ANKRD10: variants seen among roughly 807,000 people sequenced by gnomAD.
ANKRD10 encodes the protein ankyrin repeat domain 10, also known as ankyrin repeat domain-containing protein 10.
ANKRD10 carries 14 observed loss-of-function variants against 27.0 expected under a neutral mutation model. The observed-to-expected ratio is 0.52, with a 90% CI of 0.34 to 0.81. The LOEUF (loss-of-function observed/expected upper bound fraction) is 0.81, where lower values mean the gene tolerates loss of function less well. Among genes scored for constraint, ANKRD10 ranks in the 40% least tolerant of loss-of-function variants. ANKRD10 has a pLI of 0.01. For missense variants in ANKRD10, 493 were observed against 544.0 expected, an observed-to-expected ratio of 0.91 and a Z score of 0.93; for synonymous variants, 250 against 224.5, an observed-to-expected ratio of 1.11 and a Z score of -1.01.
At chr13:110,909,997 T>C (rs1041625295) in intron 2 of ANKRD10, among the ~76,000 whole-genome samples, 9 of 152,192 alleles carry the variant, frequency 5.9e-5, no homozygotes, top group Non-Finnish European at 1.3e-4. Flanking sequence ...GACAACCTAA[T>C]GGTTATTAGA....
intron 4 of ANKRD10, among the ~76,000 whole-genome samples, chr13:110,885,571 G>GAAA (rs985565914): frequency 2.0e-5 from 3 of 151,784 alleles, no homozygotes; most frequent in Non-Finnish European, 4.4e-5. Flanking sequence ...AAGAAAGAAA[G>GAAA]AAAAAGAAAA....
intron 3 of ANKRD10, among the ~76,000 whole-genome samples, chr13:110,895,535 C>T (rs868031691): frequency 2.0e-5 from 3 of 151,620 alleles, no homozygotes; most frequent in Non-Finnish European, 4.4e-5. Context: ...TGCAGTGAGC[C>T]GAGATCACAC....
chr13:110,890,364 G>A (rs1490614131), intron 4 of ANKRD10, among the ~76,000 whole-genome samples: 1 of 151,384 alleles, frequency 6.6e-6, no homozygotes, highest in Non-Finnish European at 1.5e-5. Context: ...TAAAAGGGGG[G>A]CAAAAAATCA....
chr13:110,914,820 A>G lies in ANKRD10; in HGVS notation c.115T>C (p.Cys39Arg), dbSNP rs755723805. ...TGGGGTGTCTGCTGCAGCAGCGAGC[A>G]GAGCGTGGCCAGGTCCCCGTCGCGG... ...ACRDGDLATL[C>R]SLLQQTPHAH... The change falls in exon 1 of 6, where the codon TGC becomes CGC. Residue 39 changes from cysteine to arginine, a missense_variant. Cys to Arg is a radical substitution (Grantham distance 180, BLOSUM62 -3). Transcript: ENST00000267339. The G allele has an allele frequency of 5.7e-6, 9 of 1,589,434 alleles. No homozygotes were observed. In the South Asian group the frequency reaches 9.1e-5, roughly 16 times the overall value.
chr13:110,901,446 C>A (rs2065377381), intron 3 of ANKRD10, among the ~76,000 whole-genome samples: 1 of 152,218 alleles, frequency 6.6e-6, no homozygotes, highest in African/African-American at 2.4e-5. Flanking sequence ...ATTTAGCATG[C>A]TCCTGCTATA....
chr13:110,890,040 AAG>A, intron 4 of ANKRD10, among the ~76,000 whole-genome samples: 1 of 152,300 alleles, frequency 6.6e-6, no homozygotes, highest in East Asian at 1.9e-4. Flanking sequence ...ATGAGGAAAA[AAG>A]AATTTATCAT....
intron 1 of ANKRD10, 66 bp downstream of exon 1, chr13:110,914,659 G>A: frequency 1.3e-6 from 2 of 1,503,526 alleles, no homozygotes; most frequent in Admixed American, 4.2e-5. Context: ...CCGCACCTCA[G>A]ACCCGCTTTC....
At chr13:110,910,534 C>T in intron 2 of ANKRD10, 84 bp downstream of exon 2, 1 of 1,515,580 alleles carries the variant, frequency 6.6e-7, no homozygotes, top group South Asian at 1.3e-5. Flanking sequence ...TAATTAAGGC[C>T]TCGATTTAAA....
intron 2 of ANKRD10, among the ~76,000 whole-genome samples, chr13:110,908,167 C>CA (rs1181725143): frequency 6.6e-6 from 1 of 152,122 alleles, no homozygotes; most frequent in African/African-American, 2.4e-5. Context: ...GAACTGGGAG[C>CA]AGTGCCAGAA....
intron 3 of ANKRD10, among the ~76,000 whole-genome samples, chr13:110,904,793 A>G (rs1029158894): frequency 6.6e-6 from 1 of 152,264 alleles, no homozygotes; most frequent in Non-Finnish European, 1.5e-5. Context: ...GCAATGTAAC[A>G]GTAAACAGAG....
intron 4 of ANKRD10, among the ~76,000 whole-genome samples, chr13:110,885,870 T>C (rs1190798554): frequency 5.3e-5 from 8 of 152,222 alleles, no homozygotes; most frequent in African/African-American, 1.9e-4. Context: ...AGGGGTTACC[T>C]GCAATTTCAC....
rs1016754756 is a variant in ANKRD10 at position 110,892,766 on chromosome 13, G to A, written c.691+262C>T. On this transcript the variant is annotated intron_variant, in intron 4 of 5. Transcript: ENST00000267339. ...CAACAAATTAAAAAATCTAATTCAT[G>A]GCAGGTAAACATGGGTGCTCAAAAA... 3.3e-5 allele frequency: 38 copies of A among 1,158,782 alleles called. No homozygotes were observed. The East Asian group carries it at 3.3e-4, about 10-fold the overall frequency. The allele number at this position is 1,158,782 out of a possible 1,614,324, so 71.8% of individuals were successfully genotyped here. A position where few individuals can be genotyped will look rare whatever the true frequency, so the allele number is the denominator to read the frequency against.
At chr13:110,882,262 T>A (rs2064834835) in intron 5 of ANKRD10, among the ~76,000 whole-genome samples, 1 of 152,196 alleles carries the variant, frequency 6.6e-6, no homozygotes, top group African/African-American at 2.4e-5. Flanking sequence ...AAATTTGAAG[T>A]TACTCAAGTG....
Position 110,915,065 on chromosome 13 carries a change from C to A in ANKRD10, c.-131G>T. The A allele has an allele frequency of 7.1e-7, 1 of 1,401,722 alleles. No individual in the cohort carries two copies. The highest frequency in any genetic ancestry group is 9.2e-7 in the Non-Finnish European group (1 of 1,082,828). The allele number at this position is 1,401,722 out of a possible 1,614,324, so 86.8% of individuals were successfully genotyped here. ...GCGTCCCACAGGCTGCCGAGCGGAG[C>A]GCGCACAGAGGGGGCGGGGCGGGGC... On this transcript the variant is annotated 5_prime_UTR_variant, in exon 1 of 6. Transcript: ENST00000267339.
At chr13:110,911,460 A>C (rs903472205) in intron 1 of ANKRD10, among the ~76,000 whole-genome samples, 16 of 138,894 alleles carry the variant, frequency 1.2e-4, no homozygotes, top group East Asian at 9.0e-4. Context: ...TCAAACACCA[A>C]CACCACCACC....
At chr13:110,892,174 G>A (rs1196101900) in intron 4 of ANKRD10, among the ~76,000 whole-genome samples, 1 of 149,122 alleles carries the variant, frequency 6.7e-6, no homozygotes, top group African/African-American at 2.5e-5. Context: ...GCTCATGCCT[G>A]TAATCCCAGC....
intron 4 of ANKRD10, chr13:110,892,737 G>A (rs1594574533): frequency 2.8e-6 from 3 of 1,080,150 alleles, no homozygotes; most frequent in African/African-American, 1.7e-5. Context: ...ATTTCAAACA[G>A]ATACAACAAA....
chr13:110,884,326 C>T (rs892806572), intron 4 of ANKRD10, among the ~76,000 whole-genome samples: 1 of 152,130 alleles, frequency 6.6e-6, no homozygotes, highest in Admixed American at 6.5e-5. Context: ...CACCAAAATA[C>T]AGAAAGCGTT....
At chr13:110,897,121 A>C (rs980516884) in intron 3 of ANKRD10, among the ~76,000 whole-genome samples, 1 of 152,000 alleles carries the variant, frequency 6.6e-6, no homozygotes, top group Non-Finnish European at 1.5e-5. Context: ...TTATCTTTCC[A>C]TCTAGTAACC....
Sources: gnomAD v4.1 joint callset for allele counts (sites outside exome capture counted in the v4.1 genomes callset) on GRCh38, gnomAD v4.1.1 for gene constraint, MANE v1.5 for transcripts, NCBI Gene and HGNC (gene_info 2026-07-23, HGNC 2026-07-21) for gene names.